FKBP8: variants seen among roughly 807,000 people sequenced by gnomAD.
FKBP8 encodes the protein peptidyl-prolyl cis-trans isomerase FKBP8.
In FKBP8, 5 loss-of-function variants were observed where a neutral mutation model predicts 41.7. That is an observed-to-expected ratio of 0.12 (90% confidence interval 0.06 to 0.25). FKBP8 has a LOEUF of 0.25. FKBP8 is among the 10% of genes least tolerant of loss of function. The probability of loss-of-function intolerance (pLI) is 1.00; values close to 1 mark genes in which losing one functional copy is unlikely to be tolerated. For missense variants in FKBP8, 397 were observed against 563.0 expected (o/e 0.71, Z 2.98); for synonymous variants, 279 against 254.5 (o/e 1.10, Z -0.92).
In FKBP8 at chr19:18,537,104, T is replaced by C. The variant is rs1369161131; in HGVS notation, c.945+497A>G. Reference sequence around the variant, plus strand: ...CTGTAATCTCAGCACATGGGGAGACTGAGGCGGGCAGATCACTTGAGGTCA... The same window carrying C: ...CTGTAATCTCAGCACATGGGGAGACCGAGGCGGGCAGATCACTTGAGGTCA... On this transcript the variant is annotated intron_variant, in intron 6 of 8. Transcript: ENST00000608443. This position sits in a 1 kb window ranked among gnomAD's most constrained non-coding sequence, Gnocchi z 4.4. 2.0e-5 allele frequency among the ~76,000 whole-genome samples: 3 copies of C among 152,100 alleles called. No homozygotes were observed. Among genetic ancestry groups the C allele is most frequent in the Admixed American group, 6.6e-5 (1 of 15,252 alleles).
intron 1 of FKBP8, 51 bp from the exon 2 acceptor site, chr19:18,542,046 A>C: frequency 3.9e-6 from 6 of 1,555,586 alleles, no homozygotes; most frequent in Non-Finnish European, 5.2e-6. Flanking sequence ...AGCCCCTCAA[A>C]GTCTCCACTG....
At chr19:18,535,930 C>T (rs779612060) in intron 6 of FKBP8, 2 of 151,708 alleles carry the variant, frequency 1.3e-5, no homozygotes, top group Non-Finnish European at 2.9e-5. Context: ...CATGAGCTAT[C>T]GATCCCTCCT....
chr19:18,542,001 A>AG lies in FKBP8; in HGVS notation c.-25-7dup, dbSNP rs1976713791. 4.4e-6 allele frequency: 7 copies of AG among 1,603,932 alleles called. No individual in the cohort carries two copies. In the South Asian group the frequency reaches 6.6e-5, roughly 15 times the overall value. ...TGGGGGGACAGGAATTGGCCCTGGA[A>AG]GTGGGGGGCAGAGATGTGGGTCAGA... On this transcript the variant is annotated splice_polypyrimidine_tract_variant and splice_region_variant and intron_variant, in intron 1 of 8. Coordinates refer to ENST00000608443, the MANE Select transcript of FKBP8 (RefSeq NM_012181.5).
chr19:18,541,682 G>C lies in FKBP8; in HGVS notation c.289C>G (p.Leu97Val). 7 of 1,605,072 alleles carry C rather than the reference G, an allele frequency of 4.4e-6. No individual in the cohort carries two copies. Among genetic ancestry groups the C allele is most frequent in the Non-Finnish European group, 6.0e-6 (7 of 1,174,356 alleles). The part of the protein sequence containing the change: ...APAPEEWLDI[L>V]GNGLLRKKTL... ...CTGATCCACCTTTGCTCCTTACCCA[G>C]AATGTCCAGCCACTCTTCTGGGGCC... Residue 97 changes from leucine to valine, a missense_variant, in exon 2 of 9, where the codon CTG (leucine) becomes GTG (valine). By Grantham distance (32) the Leu-to-Val change is conservative. This residue lies in a region of FKBP8 where 172 missense variants were observed against 196.2 expected (regional missense o/e 0.88). Transcript: ENST00000608443.
intron 1 of FKBP8, chr19:18,542,854 A>C: frequency 2.4e-6 from 3 of 1,266,328 alleles, no homozygotes; most frequent in Non-Finnish European, 3.1e-6. Flanking sequence ...ACAGCCATCA[A>C]ACCAGCCCGC....
chr19:18,543,146 G>C (rs1263634420), intron 1 of FKBP8: 5 of 257,130 alleles, frequency 1.9e-5, no homozygotes, highest in Non-Finnish European at 3.0e-5. Flanking sequence ...CGGGCCCTCA[G>C]TCAAGCCGCG....
intron 1 of FKBP8, chr19:18,543,008 GC>G (rs1976744577): frequency 2.8e-6 from 2 of 703,134 alleles, no homozygotes; most frequent in Non-Finnish European, 3.8e-6. Flanking sequence ...AACCACCACC[GC>G]CCCCAGCACG....
chr19:18,537,987 G>A lies in FKBP8; in HGVS notation c.773-214C>T, dbSNP rs1976618305. On this transcript the variant is annotated intron_variant, in intron 5 of 8. Transcript: ENST00000608443. This position sits in a 1 kb window ranked among gnomAD's most constrained non-coding sequence, Gnocchi z 4.4. ...CCTGTGGTACATGTGAACTGGCCCTGTCTATGGTCACCCCATCCCCATATC... is the reference window on the plus strand; with the variant it reads ...CCTGTGGTACATGTGAACTGGCCCTATCTATGGTCACCCCATCCCCATATC... 3.0e-6 allele frequency: 2 copies of A among 671,008 alleles called. No homozygotes were observed. Among genetic ancestry groups the A allele is most frequent in the East Asian group, 5.5e-5 (2 of 36,392 alleles). The allele number at this position is 671,008 out of a possible 1,614,324, so 41.6% of individuals were successfully genotyped here. A position where few individuals can be genotyped will look rare whatever the true frequency, so the allele number is the denominator to read the frequency against.
intron 2 of FKBP8, among the ~76,000 whole-genome samples, 179 bp from the exon 3 acceptor site, chr19:18,539,899 C>T (rs925140275): frequency 3.9e-5 from 6 of 152,100 alleles, no homozygotes; most frequent in Admixed American, 1.3e-4. Flanking sequence ...GGGAACCCCA[C>T]GTGCAGGACA....
At position 18,538,333 on chromosome 19, in the gene FKBP8, C is replaced by T. The variant is rs754038245; in HGVS notation, c.655G>A (p.Val219Met). 1.8e-5 allele frequency: 29 copies of T among 1,613,440 alleles called. 1 individual carries two copies. The highest frequency in any genetic ancestry group is 2.1e-5 in the Non-Finnish European group (25 of 1,179,944). Residue 219 changes from valine (V) to methionine (M), a missense_variant, in exon 5 of 9, where the codon GTG becomes ATG. Physicochemically the swap from Val to Met is conservative, Grantham distance 21 (BLOSUM62 1). Around this residue, in one of 2 missense-constraint regions of FKBP8, gnomAD observed 225 missense variants for 366.8 expected, o/e 0.61. Transcript: ENST00000608443. The surrounding 1 kb of genome is among the most constrained non-coding windows in gnomAD (Gnocchi z 4.0). ...DLEMLTGQER[V>M]ALANRKRECG... Reference sequence around the variant, plus strand: ...TCCCGCTTCCGGTTGGCCAGGGCCACGCGCTCCTGCCCCGTGAGCATCTCC... The same window carrying T: ...TCCCGCTTCCGGTTGGCCAGGGCCATGCGCTCCTGCCCCGTGAGCATCTCC...
intron 6 of FKBP8, among the ~76,000 whole-genome samples, chr19:18,536,499 G>A (rs998653654): frequency 8.5e-5 from 13 of 152,250 alleles, no homozygotes; most frequent in African/African-American, 2.4e-4. Flanking sequence ...CGACAGGCCC[G>A]CGCCCCCACA....
In FKBP8 at chr19:18,538,228, A is replaced by T. The variant is rs1293094092; in HGVS notation, c.760T>A (p.Ser254Thr). The change falls in exon 5 of 9, where the codon TCC (serine) becomes ACC (threonine). Residue 254 changes from serine (S) to threonine (T), a missense_variant. Physicochemically the swap from Ser to Thr is moderately conservative, Grantham distance 58. Around this residue, in one of 2 missense-constraint regions of FKBP8, gnomAD observed 225 missense variants for 366.8 expected, o/e 0.61. Transcript: ENST00000608443. The surrounding 1 kb of genome is among the most constrained non-coding windows in gnomAD (Gnocchi z 4.0). ...SYDLAIKAIT[S>T]SAKVDMTFEE... ...CCCAGGCGGTCACCTTTGGCGCTGG[A>T]GGTGATAGCCTTGATGGCGAGGTCG... 3 of 1,607,148 alleles carry T rather than the reference A, an allele frequency of 1.9e-6. No homozygotes were observed. In the East Asian group the frequency reaches 6.7e-5, roughly 36 times the overall value.
At position 18,538,521 on chromosome 19, in the gene FKBP8, G is replaced by T; in HGVS notation, c.552-85C>A. ...GGCTGGCTAGGAAGGAGTGAGCTTG[G>T]CTCAAGCCCCCGATCTGTCTCCCCT... On this transcript the variant is annotated intron_variant, in intron 4 of 8. Coordinates refer to ENST00000608443, the MANE Select transcript of FKBP8 (RefSeq NM_012181.5). The surrounding 1 kb of genome is among the most constrained non-coding windows in gnomAD (Gnocchi z 4.0). 1 of 1,171,002 alleles carries T rather than the reference G, an allele frequency of 8.5e-7. No homozygotes were observed. The highest frequency in any genetic ancestry group is 1.2e-6 in the Non-Finnish European group (1 of 834,210). The allele number at this position is 1,171,002 out of a possible 1,614,324, so 72.5% of individuals were successfully genotyped here. A position where few individuals can be genotyped will look rare whatever the true frequency, so the allele number is the denominator to read the frequency against.
At chr19:18,541,318 T>G (rs1976694688) in intron 2 of FKBP8, among the ~76,000 whole-genome samples, 1 of 152,168 alleles carries the variant, frequency 6.6e-6, no homozygotes, top group South Asian at 2.1e-4. Flanking sequence ...CAGGCTGGCG[T>G]GCACTCAGGA....
At position 18,538,400 on chromosome 19, in the gene FKBP8, G is replaced by T; in HGVS notation, c.588C>A (p.Cys196Ter). 1 of 1,613,246 alleles carries T rather than the reference G, an allele frequency of 6.2e-7. No homozygotes were observed. The highest frequency in any genetic ancestry group is 8.5e-7 in the Non-Finnish European group (1 of 1,179,970). Residue 196 changes from cysteine (C) to a stop codon, truncating the protein, a stop_gained, in exon 5 of 9, where the codon TGC becomes TGA. Transcript: ENST00000608443. LOFTEE classifies it high-confidence loss of function. This position sits in a 1 kb window ranked among gnomAD's most constrained non-coding sequence, Gnocchi z 4.0. ...CAGCCGTCTTCAGGGTCACCTCCAG[G>T]CACAGGGCCGCGTGCGGGGGGATGT... ...SPYIPPHAAL[C>*]LEVTLKTAVD... is the part of the protein sequence containing the mutation.
intron 1 of FKBP8, chr19:18,542,815 C>T (rs1231996872): frequency 9.8e-7 from 1 of 1,024,122 alleles, no homozygotes; most frequent in East Asian, 6.4e-5. Context: ...CCCTCCGTCC[C>T]CCAGGCCCCA....
intron 6 of FKBP8, among the ~76,000 whole-genome samples, chr19:18,536,354 TTC>T (rs1457025076): frequency 1.3e-5 from 2 of 152,118 alleles, no homozygotes; most frequent in African/African-American, 4.8e-5. Context: ...GAACTTTTTT[TTC>T]TGTTCTCGTG....
At chr19:18,534,899 T>C (rs1976538338) in intron 6 of FKBP8, among the ~76,000 whole-genome samples, 1 of 151,754 alleles carries the variant, frequency 6.6e-6, no homozygotes, top group Non-Finnish European at 1.5e-5. Flanking sequence ...GCCATTCTCC[T>C]GCCTCAGCCT....
In FKBP8 at chr19:18,537,569, G is replaced by A. The variant is rs369089282; in HGVS notation, c.945+32C>T. On this transcript the variant is annotated intron_variant, in intron 6 of 8. Coordinates refer to ENST00000608443, the MANE Select transcript of FKBP8 (RefSeq NM_012181.5). This position sits in a 1 kb window ranked among gnomAD's most constrained non-coding sequence, Gnocchi z 4.4. ...GACCACCCCGTATACCCCAGGCTGA[G>A]TGACCCGGCCTGGCACCCCGGTGTG... 1.3e-6 allele frequency: 2 copies of A among 1,553,098 alleles called. No individual in the cohort carries two copies. Among genetic ancestry groups the A allele is most frequent in the African/African-American group, 1.4e-5 (1 of 73,588 alleles).
Sources: allele counts gnomAD v4.1 joint callset (sites outside exome capture counted in the v4.1 genomes callset), GRCh38; gene constraint gnomAD v4.1.1; regional missense constraint gnomAD v4.1.1; non-coding constraint Gnocchi (gnomAD v3.1); transcripts MANE v1.5; gene names NCBI Gene and HGNC (gene_info 2026-07-23, HGNC 2026-07-21).